The following CDH2 variants were observed in gnomAD, a reference collection of about 807,000 sequenced individuals.
The protein encoded by CDH2 is cadherin 2, also known as cadherin-2.
Under a neutral mutation model 92.0 loss-of-function variants are expected in CDH2, and 17 were observed. That is an observed-to-expected ratio of 0.18 (90% CI 0.13 to 0.28). CDH2 has a LOEUF of 0.28. Ranked by LOEUF, CDH2 falls within the 10% of genes least tolerant of loss-of-function variation. The pLI is 1.00. For synonymous variants in CDH2, 419 were observed against 415.9 expected (o/e 1.01, Z -0.09); for missense variants, 862 against 1,133.1 (o/e 0.76, Z 3.44).
intron 2 of CDH2, among the ~76,000 whole-genome samples, chr18:28,100,644 T>A (rs982355243): frequency 6.6e-6 from 1 of 151,752 alleles, no homozygotes; most frequent in African/African-American, 2.4e-5. Context: ...AAACCTGGTG[T>A]ATGGCACAGT....
chr18:28,018,930 T>C (rs896547931), intron 2 of CDH2, among the ~76,000 whole-genome samples: 5 of 150,862 alleles, frequency 3.3e-5, no homozygotes, highest in Non-Finnish European at 5.9e-5. Context: ...TATTTATTTA[T>C]ATATTTATAT....
Position 28,013,798 on chromosome 18 carries a change from A to G in CDH2, c.284T>C (p.Leu95Pro). ...CAGGAACTTGGCATGCTCAGAAGAG[A>G]GTGGAAAGCTTCTCACGGCATACAC... ...GMVYAVRSFP[L>P]SSEHAKFLIY... The change falls in exon 3 of 16, where the codon CTC becomes CCC. Residue 95 changes from leucine (L) to proline (P), a missense_variant. By Grantham distance (98) the Leu-to-Pro change is moderately conservative. Coordinates refer to ENST00000269141, the MANE Select transcript of CDH2 (RefSeq NM_001792.5). The G allele has an allele frequency of 6.2e-7, 1 of 1,613,952 alleles. No individual in the cohort carries two copies.
intron 1 of CDH2, among the ~76,000 whole-genome samples, chr18:28,152,003 T>C (rs2016130266): frequency 7.0e-6 from 1 of 143,460 alleles, no homozygotes; most frequent in South Asian, 2.1e-4. Flanking sequence ...TTGAAAGATA[T>C]TCTTCTTCTT....
intron 2 of CDH2, among the ~76,000 whole-genome samples, chr18:28,101,006 T>C (rs2144232431): frequency 6.6e-6 from 1 of 152,286 alleles, no homozygotes; most frequent in East Asian, 1.9e-4. Context: ...TTTAAACAAT[T>C]ATCAGTATTA....
At chr18:28,021,991 G>C (rs1245642588) in intron 2 of CDH2, among the ~76,000 whole-genome samples, 1 of 151,860 alleles carries the variant, frequency 6.6e-6, no homozygotes, top group Non-Finnish European at 1.5e-5. Context: ...TAATGAATGA[G>C]ATTTCAATTA....
intron 2 of CDH2, among the ~76,000 whole-genome samples, chr18:28,116,530 G>C (rs2015499055): frequency 6.6e-6 from 1 of 152,116 alleles, no homozygotes; most frequent in Non-Finnish European, 1.5e-5. Context: ...TATTTCAATA[G>C]GAAGTCAGTT....
At chr18:28,141,260 G>T (rs963649536) in intron 2 of CDH2, among the ~76,000 whole-genome samples, 1 of 151,888 alleles carries the variant, frequency 6.6e-6, no homozygotes, top group Non-Finnish European at 1.5e-5. Flanking sequence ...AAAGAACAGG[G>T]TAATAATACA....
At chr18:28,056,599 C>T (rs954958283) in intron 2 of CDH2, among the ~76,000 whole-genome samples, 12 of 152,080 alleles carry the variant, frequency 7.9e-5, no homozygotes, top group South Asian at 2.1e-4. Flanking sequence ...GCTAAATAAA[C>T]GACTATTATT....
chr18:27,959,479 A>C (rs868823377), intron 15 of CDH2: 1 of 152,226 alleles, frequency 6.6e-6, no homozygotes, highest in Non-Finnish European at 1.5e-5. Flanking sequence ...GTGCCTTTTA[A>C]ATATTTTTAT....
intron 2 of CDH2, among the ~76,000 whole-genome samples, chr18:28,134,960 G>A (rs2015837040): frequency 6.6e-6 from 1 of 152,170 alleles, no homozygotes; most frequent in Non-Finnish European, 1.5e-5. Context: ...CAGCCGTTCT[G>A]AGAAGCACTG....
chr18:28,112,453 T>C (rs952501372), intron 2 of CDH2, among the ~76,000 whole-genome samples: 3 of 152,166 alleles, frequency 2.0e-5, no homozygotes, highest in African/African-American at 7.2e-5. Context: ...TCAAATTCCT[T>C]TGAAGGAGGC....
At chr18:28,090,299 G>T (rs2015012851) in intron 2 of CDH2, among the ~76,000 whole-genome samples, 1 of 152,064 alleles carries the variant, frequency 6.6e-6, no homozygotes, top group African/African-American at 2.4e-5. Flanking sequence ...AAATTAATTT[G>T]TCTCACAGTG....
intron 7 of CDH2, among the ~76,000 whole-genome samples, chr18:27,994,417 G>C (rs185067532): frequency 2.0e-5 from 3 of 152,232 alleles, no homozygotes; most frequent in Admixed American, 6.5e-5. Context: ...TCAAATTCCA[G>C]GTTGACTGTT....
intron 15 of CDH2, among the ~76,000 whole-genome samples, chr18:27,952,759 A>G (rs9963326): frequency 0.83 from 126,439 of 152,144 alleles, 54,763 homozygotes; most frequent in East Asian, 0.95. Flanking sequence ...GAAATACAAG[A>G]GACACACAAA....
chr18:28,013,105 T>C (rs562082809), intron 3 of CDH2, among the ~76,000 whole-genome samples: 1 of 152,300 alleles, frequency 6.6e-6, no homozygotes, highest in East Asian at 1.9e-4. Flanking sequence ...AAGTGCTCAA[T>C]AAATATTTGT....
downstream of CDH2, among the ~76,000 whole-genome samples, chr18:27,949,756 C>T (rs1909364219): frequency 6.6e-6 from 1 of 151,496 alleles, no homozygotes. Flanking sequence ...TTATTAGTTT[C>T]CTAGTTTTTT....
chr18:28,050,578 G>A (rs375621422), intron 2 of CDH2, among the ~76,000 whole-genome samples: 4 of 152,198 alleles, frequency 2.6e-5, no homozygotes, highest in Non-Finnish European at 2.9e-5. Flanking sequence ...TAGGTTTCAA[G>A]AAGGTGCTTC....
intron 2 of CDH2, among the ~76,000 whole-genome samples, chr18:28,105,773 T>G (rs74608269): frequency 0.013 from 2,035 of 152,276 alleles, 46 homozygotes; most frequent in African/African-American, 0.047. Context: ...TATAATTACA[T>G]TCATTAATAG....
At chr18:28,062,790 T>C (rs1167708392) in intron 2 of CDH2, among the ~76,000 whole-genome samples, 3 of 152,106 alleles carry the variant, frequency 2.0e-5, no homozygotes, top group Non-Finnish European at 2.9e-5. Context: ...CCTGCCAACA[T>C]GGTGAAACCC....
Sources: allele counts gnomAD v4.1 joint callset (sites outside exome capture counted in the v4.1 genomes callset), GRCh38; gene constraint gnomAD v4.1.1; transcripts MANE v1.5; gene names NCBI Gene and HGNC (gene_info 2026-07-23, HGNC 2026-07-21).